NPC2: variants seen among roughly 807,000 people sequenced by gnomAD.
The protein encoded by NPC2 is NPC intracellular cholesterol transporter 2.
NPC2 carries 14 observed loss-of-function variants against 17.0 expected under a neutral mutation model. That is an observed-to-expected ratio of 0.82 (90% CI 0.54 to 1.29). NPC2 has a LOEUF of 1.29. Among genes scored for constraint, NPC2 ranks in the 50% most tolerant of loss-of-function variants. The probability of loss-of-function intolerance (pLI) is 0.00; values close to 1 mark genes in which losing one functional copy is unlikely to be tolerated. For synonymous variants in NPC2, 75 were observed against 69.3 expected, an observed-to-expected ratio of 1.08 and a Z score of -0.41; for missense variants, 167 against 183.4, an observed-to-expected ratio of 0.91 and a Z score of 0.52.
At chr14:74,490,781 T>C (rs2086763162) in intron 1 of NPC2, among the ~76,000 whole-genome samples, 1 of 152,250 alleles carries the variant, frequency 6.6e-6, no homozygotes, top group Non-Finnish European at 1.5e-5. Flanking sequence ...AAATCTTTGA[T>C]GTGGGCACTG....
chr14:74,490,595 G>C (rs1473478457), intron 1 of NPC2, among the ~76,000 whole-genome samples: 3 of 152,230 alleles, frequency 2.0e-5, no homozygotes, highest in Non-Finnish European at 4.4e-5. Flanking sequence ...GTAAAGGGTA[G>C]TACTTATAGC....
At chr14:74,483,423 T>A in intron 3 of NPC2, 1 of 1,516,184 alleles carries the variant, frequency 6.6e-7, no homozygotes, top group Non-Finnish European at 9.1e-7. Flanking sequence ...GTTAATGAAA[T>A]ATTTTATGAC....
At position 74,480,177 on chromosome 14, in the gene NPC2, G is replaced by A. The variant is rs745364510; in HGVS notation, c.*97C>T. On this transcript the variant is annotated 3_prime_UTR_variant, in exon 5 of 5. Coordinates refer to ENST00000555619, the MANE Select transcript of NPC2 (RefSeq NM_006432.5). The stretch of plus-strand genomic sequence containing the variant: ...CTTCAACGAATCACTGGATACCATT[G>A]GAGAGCAAGTCACTGTTGTTGAAGC... 10 of 1,612,608 alleles carry A rather than the reference G, an allele frequency of 6.2e-6. No individual in the cohort carries two copies. The East Asian group carries it at 6.7e-5, about 11-fold the overall frequency.
chr14:74,492,610 T>G (rs1184118598), intron 1 of NPC2, among the ~76,000 whole-genome samples: 1 of 152,142 alleles, frequency 6.6e-6, no homozygotes, highest in African/African-American at 2.4e-5. Context: ...CAACAAAGAT[T>G]CCAACCACAG....
In NPC2 at chr14:74,493,189, T is replaced by C. The variant is rs1162844185; in HGVS notation, c.82+4A>G. On this transcript the variant is annotated splice_donor_region_variant and intron_variant, in intron 1 of 4. Transcript: ENST00000555619. This position sits in a 1 kb window ranked among gnomAD's most constrained non-coding sequence, Gnocchi z 4.1. ...CGGGAACCTTGGGCGGGCCTGGGGC[T>C]CACCGCAGTCCTTGAACTGCACCGG... 6.2e-7 allele frequency: 1 copy of C among 1,606,840 alleles called. No individual in the cohort carries two copies. Among genetic ancestry groups the C allele is most frequent in the Admixed American group, 1.7e-5 (1 of 59,096 alleles).
At chr14:74,490,526 A>G (rs1055281676) in intron 1 of NPC2, among the ~76,000 whole-genome samples, 1 of 152,262 alleles carries the variant, frequency 6.6e-6, no homozygotes, top group Non-Finnish European at 1.5e-5. Context: ...TAAGGCTTTC[A>G]ATGTCCAGCT....
At chr14:74,488,692 T>G (rs1269787183) in intron 1 of NPC2, among the ~76,000 whole-genome samples, 1 of 152,040 alleles carries the variant, frequency 6.6e-6, no homozygotes, top group South Asian at 2.1e-4. Context: ...CCAGCCTGGG[T>G]GACAGAGCAA....
chr14:74,489,184 C>T (rs752950002), intron 1 of NPC2, among the ~76,000 whole-genome samples: 3 of 152,280 alleles, frequency 2.0e-5, no homozygotes, highest in Non-Finnish European at 4.4e-5. Flanking sequence ...GCAGAAGTGC[C>T]AGCTGCATTA....
In NPC2 at chr14:74,489,567, T is replaced by C. The variant is rs142964478; in HGVS notation, c.83-3131A>G. Among the ~76,000 whole-genome samples the C allele has an allele frequency of 2.9e-3, 445 of 152,322 alleles. 1 individual carries two copies. The highest frequency in any genetic ancestry group is 0.01 in the African/African-American group (416 of 41,562). The stretch of plus-strand genomic sequence containing the variant: ...GTGTGTGTGTGTCTGTGTGTGTATG[T>C]ATGTATTTTAATCTCAGTCTAACCA... On this transcript the variant is annotated intron_variant, in intron 1 of 4. Coordinates refer to ENST00000555619, the MANE Select transcript of NPC2 (RefSeq NM_006432.5).
At chr14:74,482,340 G>A (rs560738039) in intron 3 of NPC2, among the ~76,000 whole-genome samples, 27 of 152,234 alleles carry the variant, frequency 1.8e-4, no homozygotes, top group African/African-American at 5.1e-4. Flanking sequence ...TTTTCTTCAT[G>A]GAAAAAGGCC....
At chr14:74,489,363 C>G (rs2086746495) in intron 1 of NPC2, among the ~76,000 whole-genome samples, 1 of 152,156 alleles carries the variant, frequency 6.6e-6, no homozygotes, top group African/African-American at 2.4e-5. Context: ...GGATTTATCC[C>G]TGGGAATCCT....
chr14:74,484,318 G>C, intron 3 of NPC2, 97 bp downstream of exon 3: 1 of 1,276,878 alleles, frequency 7.8e-7, no homozygotes, highest in Non-Finnish European at 1.1e-6. Context: ...ATAGAGATAA[G>C]GGGCCCTTTA....
chr14:74,481,374 G>A (rs2086654325), intron 3 of NPC2, among the ~76,000 whole-genome samples: 1 of 152,214 alleles, frequency 6.6e-6, no homozygotes, highest in Non-Finnish European at 1.5e-5. Flanking sequence ...AGCAGGTGGT[G>A]GCACTATGCT....
At position 74,491,168 on chromosome 14, in the gene NPC2, G is replaced by T. The variant is rs556832655; in HGVS notation, c.82+2025C>A. On this transcript the variant is annotated intron_variant, in intron 1 of 4. Transcript: ENST00000555619. ...GCTCACTGTAACCTCCACCTCCCGGGTTCAAGCGATTCTCCTGCCTCAGCC... is the reference window on the plus strand; with the variant it reads ...GCTCACTGTAACCTCCACCTCCCGGTTTCAAGCGATTCTCCTGCCTCAGCC... Among the ~76,000 whole-genome samples the T allele has an allele frequency of 1.6e-4, 25 of 152,278 alleles. No individual in the cohort carries two copies. In the South Asian group the frequency reaches 5.0e-3, roughly 30 times the overall value.
chr14:74,480,685 C>T lies in NPC2; in HGVS notation c.441+17G>A. ...TCTTCCCTCCACCCATGCCCTCTCA[C>T]CCCCAGATAGACTTACGATCTGTAC... On this transcript the variant is annotated intron_variant, in intron 4 of 4. Transcript: ENST00000555619. The T allele has an allele frequency of 6.2e-7, 1 of 1,605,814 alleles. No homozygotes were observed. Among genetic ancestry groups the T allele is most frequent in the East Asian group, 2.2e-5 (1 of 44,838 alleles).
At chr14:74,490,779 G>A (rs964127378) in intron 1 of NPC2, among the ~76,000 whole-genome samples, 1 of 152,218 alleles carries the variant, frequency 6.6e-6, no homozygotes, top group African/African-American at 2.4e-5. Context: ...AAAAATCTTT[G>A]ATGTGGGCAC....
At chr14:74,480,665 C>T (rs1315553751) in intron 4 of NPC2, 37 bp downstream of exon 4, 39 of 1,514,502 alleles carry the variant, frequency 2.6e-5, no homozygotes, top group Non-Finnish European at 3.5e-5. Flanking sequence ...CACTTTCTTC[C>T]CTCCACCCAT....
intron 1 of NPC2, among the ~76,000 whole-genome samples, chr14:74,489,661 C>T (rs751006776): frequency 6.6e-6 from 1 of 152,210 alleles, no homozygotes; most frequent in Non-Finnish European, 1.5e-5. Flanking sequence ...TTAAAAATCC[C>T]ATTTCCTCCT....
In NPC2 at chr14:74,480,265, A is replaced by G. The variant is rs80216539; in HGVS notation, c.*9T>C. The G allele has an allele frequency of 4.0e-4, 652 of 1,614,126 alleles. No individual in the cohort carries two copies. The African/African-American group carries it at 7.9e-3, about 19-fold the overall frequency. ...TCATTGGCCAGATGCACCGAACTCA[A>G]TGAGGCACTTAGAGATGAGAAACCT... On this transcript the variant is annotated 3_prime_UTR_variant, in exon 5 of 5. Coordinates refer to ENST00000555619, the MANE Select transcript of NPC2 (RefSeq NM_006432.5).
Sources: allele counts gnomAD v4.1 joint callset (sites outside exome capture counted in the v4.1 genomes callset), GRCh38; gene constraint gnomAD v4.1.1; non-coding constraint Gnocchi (gnomAD v3.1); transcripts MANE v1.5; gene names NCBI Gene and HGNC (gene_info 2026-07-23, HGNC 2026-07-21).